GRIA3: variants seen among roughly 807,000 people sequenced by gnomAD.
The protein encoded by GRIA3 is glutamate ionotropic receptor AMPA type subunit 3.
Under a neutral mutation model 63.0 loss-of-function variants are expected in GRIA3, and 3 were observed. The observed-to-expected ratio is 0.05, with a 90% CI of 0.02 to 0.12. GRIA3 has a LOEUF of 0.12. Ranked by LOEUF, GRIA3 falls within the 10% of genes least tolerant of loss-of-function variation. GRIA3 has a pLI of 1.00. For missense variants in GRIA3, 347 were observed against 700.9 expected (o/e 0.50, Z 5.70); for synonymous variants, 274 against 257.9 (o/e 1.06, Z -0.60).
intron 2 of GRIA3, among the ~76,000 whole-genome samples, chrX:123,241,071 C>A (rs780389315): frequency 1.1e-4 from 12 of 111,270 alleles, no homozygotes; most frequent in Non-Finnish European, 1.5e-4. Context: ...TTATTGTCAT[C>A]CTGAAAGGTA....
intron 12 of GRIA3, among the ~76,000 whole-genome samples, chrX:123,456,846 G>C (rs1276854589): frequency 9.0e-6 from 1 of 111,385 alleles, no homozygotes; most frequent in South Asian, 3.9e-4. Context: ...GGCACACAGG[G>C]GTCCTGTAAG....
chrX:123,382,432 C>T (rs1169667572), intron 5 of GRIA3, among the ~76,000 whole-genome samples: 5 of 111,995 alleles, frequency 4.5e-5, no homozygotes, highest in Non-Finnish European at 7.5e-5. Context: ...AACTCATTCC[C>T]GGGATGTCTG....
intron 4 of GRIA3, among the ~76,000 whole-genome samples, chrX:123,333,525 G>A (rs747142664): frequency 9.0e-6 from 1 of 111,621 alleles, no homozygotes; most frequent in African/African-American, 3.2e-5. Context: ...TTAGCAATGC[G>A]ATTCAAGTCA....
chrX:123,478,831 C>T (rs144347659), intron 13 of GRIA3, among the ~76,000 whole-genome samples: 15 of 112,863 alleles, frequency 1.3e-4, no homozygotes, highest in African/African-American at 4.2e-4. Context: ...GGCAATATTG[C>T]TCCCATGAAT....
chrX:123,457,535 G>A (rs1172975607), intron 12 of GRIA3, among the ~76,000 whole-genome samples: 1 of 111,989 alleles, frequency 8.9e-6, no homozygotes, highest in African/African-American at 3.2e-5. Flanking sequence ...ATTTTCCTTT[G>A]AGGAACACTG....
chrX:123,387,709 A>G lies in GRIA3; in HGVS notation c.751-7259A>G, dbSNP rs2045361401. Among the ~76,000 whole-genome samples, 3 of 112,339 alleles carry G rather than the reference A, an allele frequency of 2.7e-5. No homozygotes were observed. The Admixed American group carries it at 2.8e-4, about 11-fold the overall frequency. On this transcript the variant is annotated intron_variant, in intron 5 of 15. Transcript: ENST00000620443. ...AGATGATCATACAGATTTGGTGTTC[A>G]TTCTGTTGATGCAATGTATTACATT...
chrX:123,461,206 C>T (rs1306987542), intron 12 of GRIA3, among the ~76,000 whole-genome samples: 1 of 111,762 alleles, frequency 8.9e-6, no homozygotes, highest in African/African-American at 3.3e-5. Flanking sequence ...TTTAGTCTGT[C>T]ATGTATAGAG....
At chrX:123,297,157 T>C (rs2044690670) in intron 3 of GRIA3, among the ~76,000 whole-genome samples, 1 of 111,013 alleles carries the variant, frequency 9.0e-6, no homozygotes, top group Non-Finnish European at 1.9e-5. Context: ...CCCAGACCTA[T>C]GGAATCAGAA....
intron 12 of GRIA3, among the ~76,000 whole-genome samples, chrX:123,445,605 T>G: frequency 8.9e-6 from 1 of 112,652 alleles, no homozygotes; most frequent in Non-Finnish European, 1.9e-5. Context: ...TTGTTATCTT[T>G]AAGGCTTTCC....
At chrX:123,202,630 C>T in intron 2 of GRIA3, 1 of 1,165,766 alleles carries the variant, frequency 8.6e-7, no homozygotes, top group Non-Finnish European at 1.1e-6. Flanking sequence ...CTTGTCACCC[C>T]CACAGGTCCT....
At chrX:123,297,237 C>G (rs778731327) in intron 3 of GRIA3, among the ~76,000 whole-genome samples, 9 of 111,550 alleles carry the variant, frequency 8.1e-5, no homozygotes, top group African/African-American at 1.3e-4. Context: ...GCCATGGGAA[C>G]AGTTGTTAAT....
At chrX:123,423,676 T>C (rs761156919) in intron 11 of GRIA3, among the ~76,000 whole-genome samples, 1 of 111,608 alleles carries the variant, frequency 9.0e-6, no homozygotes, top group Non-Finnish European at 1.9e-5. Flanking sequence ...AAATGATGCA[T>C]ACTTTGGAAG....
At chrX:123,309,311 G>A (rs1366970451) in intron 3 of GRIA3, among the ~76,000 whole-genome samples, 1 of 108,123 alleles carries the variant, frequency 9.2e-6, no homozygotes, top group East Asian at 2.9e-4. Flanking sequence ...AGGTTGCAGT[G>A]AGCCAAGATC....
chrX:123,453,070 T>C (rs1215010292), intron 12 of GRIA3, among the ~76,000 whole-genome samples: 6 of 112,254 alleles, frequency 5.3e-5, no homozygotes, highest in Non-Finnish European at 1.1e-4. Flanking sequence ...TAAATCATGC[T>C]GCTATAAAGA....
In GRIA3 at chrX:123,489,952, G is replaced by C. The variant is rs965521109; in HGVS notation, c.*1242G>C. On this transcript the variant is annotated 3_prime_UTR_variant, in exon 16 of 16. Transcript: ENST00000620443. ...TCTGAGGGCCTCAGCATCACTTCCA[G>C]ATCCTTGCTTGGAGCAGTCTCTCTA... 1 of 112,393 alleles carries C rather than the reference G, an allele frequency of 8.9e-6. No homozygotes were observed. 9.3% of individuals were successfully genotyped at this position (112,393 alleles called of 1,213,427 possible). A position where few individuals can be genotyped will look rare whatever the true frequency, so the allele number is the denominator to read the frequency against.
At chrX:123,396,199 A>AAATAATAATAATAATAAT (rs10528905) in intron 6 of GRIA3, among the ~76,000 whole-genome samples, 27 of 85,965 alleles carry the variant, frequency 3.1e-4, no homozygotes, top group South Asian at 1.3e-3. Context: ...CTCCATCTCA[A>AAATAATAATAATAATAAT]AATAATAATA....
At chrX:123,383,968 T>C (rs1285846797) in intron 5 of GRIA3, among the ~76,000 whole-genome samples, 2 of 111,812 alleles carry the variant, frequency 1.8e-5, no homozygotes, top group African/African-American at 6.5e-5. Flanking sequence ...TATTTGGTTT[T>C]CTGTTCCTGT....
intron 3 of GRIA3, among the ~76,000 whole-genome samples, chrX:123,312,811 A>G (rs896063625): frequency 1.9e-5 from 2 of 107,770 alleles, no homozygotes; most frequent in African/African-American, 3.3e-5. Context: ...TGCCACAGAA[A>G]CTTTGTTTTA....
intron 4 of GRIA3, among the ~76,000 whole-genome samples, chrX:123,331,093 C>A (rs2044938991): frequency 8.9e-6 from 1 of 111,839 alleles, no homozygotes; most frequent in Non-Finnish European, 1.9e-5. Context: ...AATTTACAGA[C>A]AAGTCTCAGC....
Sources: gnomAD v4.1 joint callset for allele counts (sites outside exome capture counted in the v4.1 genomes callset) on GRCh38, gnomAD v4.1.1 for gene constraint, MANE v1.5 for transcripts, NCBI Gene and HGNC (gene_info 2026-07-23, HGNC 2026-07-21) for gene names.